The following ADGRV1 variants were observed in gnomAD, a reference collection of about 807,000 sequenced individuals.
The protein encoded by ADGRV1 is adhesion G protein-coupled receptor V1.
In ADGRV1, 359 loss-of-function variants were observed where a neutral mutation model predicts 596.2. The observed-to-expected ratio is 0.60, with a 90% CI of 0.55 to 0.66. The LOEUF is 0.66. Among genes scored for constraint, ADGRV1 ranks in the 30% least tolerant of loss-of-function variants. The pLI is 0.00. For synonymous variants in ADGRV1, 2,681 were observed against 2,679.2 expected (o/e 1.00, Z -0.02); for missense variants, 7,274 against 7,575.6 (o/e 0.96, Z 1.48).
intron 83 of ADGRV1, among the ~76,000 whole-genome samples, chr5:90,868,243 A>T (rs554765267): frequency 1.3e-5 from 2 of 152,120 alleles, no homozygotes; most frequent in Non-Finnish European, 2.9e-5. Context: ...CATATAATCA[A>T]GCTATTTTTC....
chr5:90,649,405 G>A (rs11951632), intron 17 of ADGRV1, among the ~76,000 whole-genome samples: 23,740 of 152,094 alleles, frequency 0.16, 2,028 homozygotes, highest in East Asian at 0.37. Context: ...TGGTTAAGCT[G>A]TCATTAGGAA....
At chr5:90,779,967 G>T (rs1758664066) in intron 64 of ADGRV1, 1 of 152,116 alleles carries the variant, frequency 6.6e-6, no homozygotes, top group Non-Finnish European at 1.5e-5. Flanking sequence ...AATATTGTGG[G>T]CTCACATACC....
chr5:90,609,944 G>A lies in ADGRV1; in HGVS notation c.23-4891G>A, dbSNP rs565969576. Reference sequence around the variant, plus strand: ...TTGAGGGAAGGTTTTATTTTTAATCGAAGTCGATTAATGCAAAATTAATTG... The same window carrying A: ...TTGAGGGAAGGTTTTATTTTTAATCAAAGTCGATTAATGCAAAATTAATTG... On this transcript the variant is annotated intron_variant, in intron 1 of 89. Transcript: ENST00000405460. 2.2e-4 allele frequency among the ~76,000 whole-genome samples: 33 copies of A among 151,896 alleles called. No homozygotes were observed. In the South Asian group the frequency reaches 5.6e-3, roughly 26 times the overall value.
At chr5:90,932,648 A>G (rs527866627) in intron 83 of ADGRV1, among the ~76,000 whole-genome samples, 4 of 152,348 alleles carry the variant, frequency 2.6e-5, no homozygotes, top group East Asian at 3.9e-4. Context: ...ATGTAAAAAC[A>G]TATAGATCTC....
intron 83 of ADGRV1, among the ~76,000 whole-genome samples, chr5:90,899,591 A>G (rs1419841723): frequency 1.3e-5 from 2 of 152,126 alleles, no homozygotes. Context: ...CCTTGACCTC[A>G]GTACTTGTCT....
intron 83 of ADGRV1, among the ~76,000 whole-genome samples, chr5:90,951,201 CT>C (rs1412849691): frequency 6.6e-6 from 1 of 152,118 alleles, no homozygotes; most frequent in Non-Finnish European, 1.5e-5. Flanking sequence ...TAGTTTCTGC[CT>C]GCTAGGGAAG....
chr5:90,764,651 T>G (rs1756895605), intron 59 of ADGRV1, among the ~76,000 whole-genome samples: 1 of 152,096 alleles, frequency 6.6e-6, no homozygotes, highest in East Asian at 1.9e-4. Flanking sequence ...GCCTACACTG[T>G]GGGTTTAGAT....
At chr5:91,036,934 G>C (rs1297498260) in intron 85 of ADGRV1, among the ~76,000 whole-genome samples, 1 of 151,974 alleles carries the variant, frequency 6.6e-6, no homozygotes, top group Admixed American at 6.5e-5. Context: ...CCTTTTTGTT[G>C]CCAGGGACTC....
intron 41 of ADGRV1, among the ~76,000 whole-genome samples, chr5:90,711,922 G>A (rs1278687190): frequency 6.6e-6 from 1 of 151,880 alleles, no homozygotes; most frequent in Non-Finnish European, 1.5e-5. Context: ...GATTACAGGT[G>A]GCCACCACCA....
intron 17 of ADGRV1, among the ~76,000 whole-genome samples, chr5:90,648,982 A>C (rs1768202779): frequency 6.6e-6 from 1 of 152,190 alleles, no homozygotes; most frequent in South Asian, 2.1e-4. Flanking sequence ...TGTGAAATAC[A>C]GAAAAGCGAT....
chr5:91,079,458 G>A (rs1344646834), intron 86 of ADGRV1, among the ~76,000 whole-genome samples: 4 of 152,198 alleles, frequency 2.6e-5, no homozygotes, highest in Non-Finnish European at 5.9e-5. Flanking sequence ...ATGATGTGTA[G>A]TCATTCAGTG....
intron 59 of ADGRV1, among the ~76,000 whole-genome samples, chr5:90,769,609 T>C (rs1168253282): frequency 6.6e-6 from 1 of 152,204 alleles, no homozygotes. Context: ...TTTCTGCAGT[T>C]TGAATTCTGT....
intron 84 of ADGRV1, among the ~76,000 whole-genome samples, chr5:90,972,434 T>C (rs1215219682): frequency 6.6e-6 from 1 of 152,152 alleles, no homozygotes; most frequent in African/African-American, 2.4e-5. Context: ...TATTCCAAAA[T>C]TGACCACATA....
chr5:90,749,764 G>A (rs1326099017), intron 52 of ADGRV1, among the ~76,000 whole-genome samples: 2 of 152,196 alleles, frequency 1.3e-5, no homozygotes, highest in East Asian at 3.8e-4. Context: ...TGGCTGACAA[G>A]AGACGTTGTG....
intron 85 of ADGRV1, among the ~76,000 whole-genome samples, chr5:91,004,000 G>C (rs12521660): frequency 0.14 from 21,023 of 152,072 alleles, 1,960 homozygotes; most frequent in African/African-American, 0.24. Context: ...GCCATTTAAA[G>C]TATACATTCA....
intron 85 of ADGRV1, among the ~76,000 whole-genome samples, chr5:91,070,132 ATAACAAAAC>A (rs1788257878): frequency 6.6e-6 from 1 of 152,198 alleles, no homozygotes; most frequent in South Asian, 2.1e-4. Context: ...GGGGGCAAGG[ATAACAAAAC>A]TAACTTGGAT....
At chr5:90,642,813 A>G in intron 12 of ADGRV1, 43 bp from the exon 13 acceptor site, 4 of 1,603,310 alleles carry the variant, frequency 2.5e-6, no homozygotes, top group East Asian at 4.5e-5. Context: ...CTTTAGAAGA[A>G]TGATCTCAAA....
At chr5:91,040,510 A>G (rs1254384377) in intron 85 of ADGRV1, among the ~76,000 whole-genome samples, 1 of 152,150 alleles carries the variant, frequency 6.6e-6, no homozygotes, top group Non-Finnish European at 1.5e-5. Context: ...TTTGCATTTC[A>G]CTTAGTTGTT....
intron 1 of ADGRV1, chr5:90,614,154 TG>T (rs1166156252): frequency 2.3e-5 from 6 of 265,168 alleles, no homozygotes; most frequent in Middle Eastern, 5.7e-4. Context: ...CATATCATAG[TG>T]AAAAAAAAAA....
Sources: gnomAD v4.1 joint callset for allele counts (sites outside exome capture counted in the v4.1 genomes callset) on GRCh38, gnomAD v4.1.1 for gene constraint, MANE v1.5 for transcripts, NCBI Gene and HGNC (gene_info 2026-07-23, HGNC 2026-07-21) for gene names.